The following XKR9 variants were observed in gnomAD, a reference collection of about 807,000 sequenced individuals.
XKR9 encodes the protein XK-related protein 9.
In XKR9, 32 loss-of-function variants were observed where a neutral mutation model predicts 32.0. The observed-to-expected ratio is 1.00, with a 90% CI of 0.76 to 1.34. The LOEUF is 1.34. XKR9 is among the 40% of genes most tolerant of loss of function. The pLI is 0.00. For missense variants in XKR9, 546 were observed against 429.7 expected, an observed-to-expected ratio of 1.27 and a Z score of -2.39; for synonymous variants, 168 against 143.4, an observed-to-expected ratio of 1.17 and a Z score of -1.22.
At chr8:70,824,710 A>AT in the XKR9 span, among the ~76,000 whole-genome samples, 4 of 152,038 alleles carry the variant, frequency 2.6e-5, no homozygotes, top group Admixed American at 6.6e-5. Flanking sequence ...CATGGCAGAC[A>AT]TTTTTACCCT....
the XKR9 span, among the ~76,000 whole-genome samples, chr8:70,901,486 A>G: frequency 1.3e-5 from 2 of 151,972 alleles, no homozygotes; most frequent in Non-Finnish European, 2.9e-5. Context: ...CATATCCTTC[A>G]CCCACTTTTT....
chr8:71,050,299 A>G, the XKR9 span, among the ~76,000 whole-genome samples: 1 of 130,524 alleles, frequency 7.7e-6, no homozygotes, highest in African/African-American at 3.4e-5. Context: ...ATAGATATAT[A>G]TATAGATATA....
chr8:70,858,452 C>G, the XKR9 span, among the ~76,000 whole-genome samples: 1 of 151,522 alleles, frequency 6.6e-6, no homozygotes, highest in East Asian at 1.9e-4. Context: ...AACCACCACT[C>G]AATGAAATAA....
At chr8:71,005,227 T>TTC in the XKR9 span, among the ~76,000 whole-genome samples, 211 of 146,826 alleles carry the variant, frequency 1.4e-3, no homozygotes, top group Non-Finnish European at 2.4e-3. Context: ...TTCTTTTTCT[T>TTC]TTTTTTTTTT....
the XKR9 span, among the ~76,000 whole-genome samples, chr8:70,922,886 A>G: frequency 1.3e-5 from 2 of 152,372 alleles, no homozygotes; most frequent in African/African-American, 4.8e-5. Flanking sequence ...GAAAAGACTC[A>G]AAAGGGTTTA....
intron 2 of XKR9, among the ~76,000 whole-genome samples, chr8:70,762,592 G>A (rs1807323371): frequency 6.6e-6 from 1 of 152,180 alleles, no homozygotes; most frequent in East Asian, 1.9e-4. Context: ...TGCATCCATG[G>A]AATTTATTTA....
At chr8:70,995,771 C>T in the XKR9 span, among the ~76,000 whole-genome samples, 1 of 152,188 alleles carries the variant, frequency 6.6e-6, no homozygotes. Context: ...CTGCCCCAGT[C>T]TCCTGTGAAT....
the XKR9 span, among the ~76,000 whole-genome samples, chr8:70,981,127 C>G: frequency 6.6e-6 from 1 of 152,098 alleles, no homozygotes; most frequent in Non-Finnish European, 1.5e-5. Context: ...AGGTGATGAT[C>G]TTTTTGCGAT....
the XKR9 span, among the ~76,000 whole-genome samples, chr8:71,022,619 A>C: frequency 2.6e-5 from 4 of 152,172 alleles, no homozygotes; most frequent in Non-Finnish European, 5.9e-5. Flanking sequence ...GGTTGTATCT[A>C]TGCAGGGATC....
At chr8:70,819,011 C>A in the XKR9 span, among the ~76,000 whole-genome samples, 2 of 152,178 alleles carry the variant, frequency 1.3e-5, no homozygotes, top group African/African-American at 4.8e-5. Context: ...TCCTTTAGAG[C>A]AAGGTGCAGT....
At chr8:70,964,218 A>G in the XKR9 span, among the ~76,000 whole-genome samples, 1 of 152,344 alleles carries the variant, frequency 6.6e-6, no homozygotes, top group East Asian at 1.9e-4. Context: ...CATTTATTAA[A>G]TAAGGAATCC....
chr8:70,743,990 A>G (rs1807023176), intron 2 of XKR9, among the ~76,000 whole-genome samples: 2 of 152,040 alleles, frequency 1.3e-5, no homozygotes. Flanking sequence ...GCAGTAAGAG[A>G]TATACCCACC....
At chr8:70,827,293 C>G in the XKR9 span, among the ~76,000 whole-genome samples, 3 of 152,032 alleles carry the variant, frequency 2.0e-5, no homozygotes, top group African/African-American at 7.2e-5. Context: ...TCCTAGAAAA[C>G]TGATAGGCAG....
the XKR9 span, among the ~76,000 whole-genome samples, chr8:70,814,261 G>C: frequency 1.6e-3 from 241 of 152,164 alleles, no homozygotes; most frequent in African/African-American, 5.6e-3. Context: ...GTGGACACAG[G>C]AAGGGGAACA....
At chr8:70,706,868 G>T in intron 3 of XKR9, 65 bp from the exon 4 acceptor site, 2 of 1,235,028 alleles carry the variant, frequency 1.6e-6, no homozygotes, top group Non-Finnish European at 2.3e-6. Context: ...AAATTATTAT[G>T]TGTATTAACA....
At chr8:70,823,090 C>T in the XKR9 span, among the ~76,000 whole-genome samples, 5 of 152,106 alleles carry the variant, frequency 3.3e-5, no homozygotes. Context: ...AAAAAGTGTT[C>T]AGTTTGCCTT....
the XKR9 span, among the ~76,000 whole-genome samples, chr8:70,929,043 T>C: frequency 6.6e-6 from 1 of 152,164 alleles, no homozygotes; most frequent in East Asian, 1.9e-4. Flanking sequence ...AATGTGATCA[T>C]AGTAGTAAAA....
At chr8:70,762,408 G>A (rs1358403556) in intron 2 of XKR9, among the ~76,000 whole-genome samples, 2 of 152,164 alleles carry the variant, frequency 1.3e-5, no homozygotes, top group African/African-American at 2.4e-5. Context: ...CAGAGGGCAA[G>A]TGAGCATTAC....
At chr8:70,739,288 A>C (rs1411522453), downstream of XKR9, among the ~76,000 whole-genome samples, 1 of 152,100 alleles carries the variant, frequency 6.6e-6, no homozygotes, top group Non-Finnish European at 1.5e-5. Context: ...CTATGATTGC[A>C]ATCCCTGCCT....
Sources: allele counts gnomAD v4.1 joint callset (sites outside exome capture counted in the v4.1 genomes callset), GRCh38; gene constraint gnomAD v4.1.1; transcripts MANE v1.5; gene names NCBI Gene and HGNC (gene_info 2026-07-23, HGNC 2026-07-21).